The following AQP4 variants were observed in gnomAD, a reference collection of about 807,000 sequenced individuals.
AQP4 encodes aquaporin-4.
Under a neutral mutation model 27.8 loss-of-function variants are expected in AQP4, and 18 were observed. The observed-to-expected ratio is 0.65, with a 90% CI of 0.45 to 0.96. AQP4 has a LOEUF of 0.96. Among genes scored for constraint, AQP4 ranks in the 40% least tolerant of loss-of-function variants. The pLI is 0.00. For synonymous variants in AQP4, 141 were observed against 142.9 expected, an observed-to-expected ratio of 0.99 and a Z score of 0.10; for missense variants, 412 against 408.2, an observed-to-expected ratio of 1.01 and a Z score of -0.08.
intron 4 of AQP4, 48 bp downstream of exon 4, chr18:26,860,724 A>G: frequency 6.7e-7 from 1 of 1,487,934 alleles, no homozygotes; most frequent in South Asian, 1.1e-5. Flanking sequence ...CCCCACAGGT[A>G]ATTGTCCTCA....
chr18:26,853,177 A>T lies in AQP4; in HGVS notation c.*3034T>A. Reference sequence around the variant, plus strand: ...ATACTGAGCAGCAGCTCTAGCTAGCACCTATGAGCTGCATTAGGAAAAGGC... The same window carrying T: ...ATACTGAGCAGCAGCTCTAGCTAGCTCCTATGAGCTGCATTAGGAAAAGGC... On this transcript the variant is annotated 3_prime_UTR_variant, in exon 5 of 5. Coordinates refer to ENST00000383168, the MANE Select transcript of AQP4 (RefSeq NM_001650.7). The T allele has an allele frequency of 3.1e-6, 1 of 324,714 alleles. No individual in the cohort carries two copies. Among genetic ancestry groups the T allele is most frequent in the Non-Finnish European group, 5.6e-6 (1 of 179,910 alleles). The allele number at this position is 324,714 out of a possible 1,614,324, so 20.1% of individuals were successfully genotyped here.
chr18:26,863,468 G>A (rs1325785935), intron 1 of AQP4, among the ~76,000 whole-genome samples: 6 of 152,134 alleles, frequency 3.9e-5, no homozygotes, highest in Non-Finnish European at 8.8e-5. Context: ...TCGCCCGCCT[G>A]CCCGCCGGCC....
intron 1 of AQP4, chr18:26,865,332 C>CCTGGAGTGG: frequency 2.2e-6 from 1 of 453,678 alleles, no homozygotes; most frequent in Non-Finnish European, 4.1e-6. Context: ...CACTCAGCTT[C>CCTGGAGTGG]ATCCACTCCA....
intron 1 of AQP4, among the ~76,000 whole-genome samples, chr18:26,863,394 T>C (rs575694197): frequency 5.9e-5 from 9 of 152,218 alleles, no homozygotes; most frequent in East Asian, 1.9e-4. Flanking sequence ...GCAGCGGCCA[T>C]TCCCGGCCCG....
In AQP4 at chr18:26,860,967, C is replaced by A. The variant is rs1275276570; in HGVS notation, c.613-115G>T. ...TAGAGGAACCTCAAGATATTAGCAG[C>A]TATATCAACATTCTCATTGAGCAGT... On this transcript the variant is annotated intron_variant, in intron 3 of 4. Coordinates refer to ENST00000383168, the MANE Select transcript of AQP4 (RefSeq NM_001650.7). 1.2e-5 allele frequency: 16 copies of A among 1,354,274 alleles called. No homozygotes were observed. In the Middle Eastern group the frequency reaches 7.2e-4, roughly 61 times the overall value. The allele number at this position is 1,354,274 out of a possible 1,614,324, so 83.9% of individuals were successfully genotyped here.
At chr18:26,865,233 T>A (rs976323230) in intron 1 of AQP4, 1 of 305,016 alleles carries the variant, frequency 3.3e-6, no homozygotes, top group African/African-American at 2.2e-5. Flanking sequence ...TCACTGGAAA[T>A]GATCAACACA....
chr18:26,859,258 G>A (rs371081612), intron 4 of AQP4, among the ~76,000 whole-genome samples: 3 of 152,190 alleles, frequency 2.0e-5, no homozygotes, highest in African/African-American at 7.2e-5. Context: ...TGTGGCTCAC[G>A]CCTGTAATCC....
At chr18:26,858,511 T>C (rs147537658) in intron 4 of AQP4, among the ~76,000 whole-genome samples, 220 of 152,320 alleles carry the variant, frequency 1.4e-3, no homozygotes, top group African/African-American at 5.1e-3. Context: ...GGGGAAACTG[T>C]TGCTAGTGTG....
chr18:26,856,130 C>A lies in AQP4; in HGVS notation c.*81G>T. The stretch of plus-strand genomic sequence containing the variant: ...AAACCTGCACATTTCTAATTTATAA[C>A]AAATCTGTTTCCTTAATGGGTGGAA... On this transcript the variant is annotated 3_prime_UTR_variant, in exon 5 of 5. Transcript: ENST00000383168. 6.5e-7 allele frequency: 1 copy of A among 1,540,194 alleles called. No individual in the cohort carries two copies. The highest frequency in any genetic ancestry group is 9.0e-7 in the Non-Finnish European group (1 of 1,115,082).
At position 26,853,505 on chromosome 18, in the gene AQP4, T is replaced by A. The variant is rs1240766528; in HGVS notation, c.*2706A>T. On this transcript the variant is annotated 3_prime_UTR_variant, in exon 5 of 5. Coordinates refer to ENST00000383168, the MANE Select transcript of AQP4 (RefSeq NM_001650.7). ...CCTTTCAATTTTAGGGTACTTGTAC[T>A]CTTCCTTAGGGAAGAGACAGTTGGC... The A allele has an allele frequency of 6.6e-6, 1 of 152,214 alleles. No individual in the cohort carries two copies. The highest frequency in any genetic ancestry group is 1.5e-5 in the Non-Finnish European group (1 of 68,036). The allele number at this position is 152,214 out of a possible 1,614,324, so 9.4% of individuals were successfully genotyped here.
Position 26,860,775 on chromosome 18 carries a change from A to G in AQP4, c.690T>C (p.His230=), listed in dbSNP as rs72557976. ...GAACTATCAATATGAGGGTTACCCA[A>G]TGGTTTTCCCAATTTCCCATGATAA... ...PAVIMGNWEN[H]WIYWVGPIIG... is the part of the protein sequence containing the mutation. Residue 230 remains histidine (H), a synonymous_variant, in exon 4 of 5, where the codon CAT becomes CAC. Transcript: ENST00000383168. The G allele has an allele frequency of 4.3e-5, 70 of 1,613,150 alleles. No individual in the cohort carries two copies. Among genetic ancestry groups the G allele is most frequent in the East Asian group, 6.7e-5 (3 of 44,890 alleles).
chr18:26,865,789 G>GT, upstream of AQP4: 1 of 1,416,958 alleles, frequency 7.1e-7, no homozygotes, highest in Non-Finnish European at 1.0e-6. Context: ...TTTTTGGAGT[G>GT]TTAGGGGTGG....
chr18:26,863,996 G>T (rs747420289), intron 1 of AQP4, among the ~76,000 whole-genome samples: 15 of 24,062 alleles, frequency 6.2e-4, no homozygotes, highest in Non-Finnish European at 1.7e-3. Flanking sequence ...TCCCCTTTTG[G>T]GGGGGGGGGG....
In AQP4 at chr18:26,853,339, AG is replaced by A. The variant is rs1168070177; in HGVS notation, c.*2871del. On this transcript the variant is annotated 3_prime_UTR_variant, in exon 5 of 5. Coordinates refer to ENST00000383168, the MANE Select transcript of AQP4 (RefSeq NM_001650.7). ...AGTACAAAAGGTTAAGGCTCTTTGA[AG>A]AAAATGTTATCTTCAACAATGGAAA... 6.5e-6 allele frequency: 1 copy of A among 154,174 alleles called. No individual in the cohort carries two copies. The highest frequency in any genetic ancestry group is 2.4e-5 in the African/African-American group (1 of 41,558). 9.6% of individuals were successfully genotyped at this position (154,174 alleles called of 1,614,324 possible). A position where few individuals can be genotyped will look rare whatever the true frequency, so the allele number is the denominator to read the frequency against.
intron 2 of AQP4, among the ~76,000 whole-genome samples, chr18:26,861,706 T>A (rs1395341912): frequency 6.6e-6 from 1 of 152,222 alleles, no homozygotes; most frequent in South Asian, 2.1e-4. Context: ...TGTTTTTTTT[T>A]AATCAGCCCT....
upstream of AQP4, chr18:26,865,716 CA>C (rs1229074642): frequency 9.3e-6 from 15 of 1,614,056 alleles, no homozygotes; most frequent in Non-Finnish European, 1.1e-5. Flanking sequence ...GTGCAGCTCT[CA>C]TTGCCTGCCC....
rs1219317087 is a variant in AQP4, at chr18:26,855,257, T to G, written c.*954A>C. ...TCAAAAATATGTCTCAGCTAATGTT[T>G]AAATATAGATAACCAAAGTTACAAA... On this transcript the variant is annotated 3_prime_UTR_variant, in exon 5 of 5. Transcript: ENST00000383168. 6.6e-6 allele frequency: 1 copy of G among 152,190 alleles called. No individual in the cohort carries two copies. The highest frequency in any genetic ancestry group is 1.5e-5 in the Non-Finnish European group (1 of 68,040). 9.4% of individuals were successfully genotyped at this position (152,190 alleles called of 1,614,324 possible).
In AQP4 at chr18:26,856,165, A is replaced by C; in HGVS notation, c.*46T>G. The C allele has an allele frequency of 6.2e-7, 1 of 1,608,288 alleles. No homozygotes were observed. ...TCCTTAATGGGTGGAAGGAAATCTG[A>C]GGACAGTTCTAAGGAGTCTTGTCTG... On this transcript the variant is annotated 3_prime_UTR_variant, in exon 5 of 5. Transcript: ENST00000383168.
chr18:26,863,544 A>G (rs923318445), intron 1 of AQP4, among the ~76,000 whole-genome samples: 13 of 152,114 alleles, frequency 8.5e-5, no homozygotes, highest in African/African-American at 2.7e-4. Flanking sequence ...GGGAGGAAGG[A>G]CAGCCTCTCC....
Sources: allele counts gnomAD v4.1 joint callset (sites outside exome capture counted in the v4.1 genomes callset), GRCh38; gene constraint gnomAD v4.1.1; transcripts MANE v1.5; gene names NCBI Gene and HGNC (gene_info 2026-07-23, HGNC 2026-07-21).